The following NKAIN3 variants were observed in gnomAD, a reference collection of about 807,000 sequenced individuals.
NKAIN3 encodes the protein sodium/potassium transporting ATPase interacting 3.
Under a neutral mutation model 30.2 loss-of-function variants are expected in NKAIN3, and 25 were observed. The observed-to-expected ratio is 0.83, with a 90% confidence interval of 0.60 to 1.16. NKAIN3 has a LOEUF of 1.16. NKAIN3 is among the 50% of genes most tolerant of loss of function. The pLI, the probability that NKAIN3 is intolerant of heterozygous loss-of-function variation, is 0.00. For missense variants in NKAIN3, 225 were observed against 254.1 expected (o/e 0.89, Z 0.78); for synonymous variants, 91 against 89.6 (o/e 1.02, Z -0.09).
rs1824116415 is a variant in NKAIN3 at position 62,982,829 on chromosome 8, T to G, written c.*17422T>G. On this transcript the variant is annotated 3_prime_UTR_variant, in exon 7 of 7. Transcript: ENST00000623646. ...CTTTCTCTGTGGGAAGTTGTCATCCTCCACAAGATCTTGCCCACACTCAAA... is the reference window on the plus strand; with the variant it reads ...CTTTCTCTGTGGGAAGTTGTCATCCGCCACAAGATCTTGCCCACACTCAAA... 1 of 152,192 alleles carries G rather than the reference T, an allele frequency of 6.6e-6. No homozygotes were observed. Among genetic ancestry groups the G allele is most frequent in the South Asian group, 2.1e-4 (1 of 4,826 alleles). 9.4% of individuals were successfully genotyped at this position (152,192 alleles called of 1,614,324 possible).
chr8:62,395,277 C>T (rs970912015), intron 1 of NKAIN3, among the ~76,000 whole-genome samples: 5 of 138,644 alleles, frequency 3.6e-5, no homozygotes, highest in African/African-American at 1.4e-4. Flanking sequence ...CCAGACATTG[C>T]GCGGGGCCGG....
intron 1 of NKAIN3, among the ~76,000 whole-genome samples, chr8:62,460,106 C>A (rs1225102821): frequency 6.6e-6 from 1 of 152,078 alleles, no homozygotes; most frequent in Admixed American, 6.6e-5. Context: ...ATTCTCTCCT[C>A]CATCAAAGCA....
intron 1 of NKAIN3, among the ~76,000 whole-genome samples, chr8:62,312,197 A>AT (rs1432686432): frequency 6.6e-6 from 1 of 150,728 alleles, no homozygotes; most frequent in Non-Finnish European, 1.5e-5. Context: ...AATAGATGAT[A>AT]TTGATTAATT....
At chr8:62,774,623 G>C (rs1817128992) in intron 4 of NKAIN3, among the ~76,000 whole-genome samples, 1 of 152,062 alleles carries the variant, frequency 6.6e-6, no homozygotes, top group African/African-American at 2.4e-5. Context: ...AAAGGATGTT[G>C]AATTTTATAG....
intron 4 of NKAIN3, among the ~76,000 whole-genome samples, chr8:62,889,379 T>A (rs28520004): frequency 0.21 from 31,589 of 151,414 alleles, 3,906 homozygotes; most frequent in East Asian, 0.55. Flanking sequence ...TCGAAAAAAA[T>A]AATAATAATA....
At chr8:62,935,916 CTAAAAACAAAAAAATT>C (rs966191710) in intron 5 of NKAIN3, among the ~76,000 whole-genome samples, 1 of 151,980 alleles carries the variant, frequency 6.6e-6, no homozygotes, top group African/African-American at 2.4e-5. Context: ...CTGAAAAAAT[CTAAAAACAAAAAAATT>C]TAAAAACAAA....
chr8:62,821,985 T>G (rs962155310), intron 4 of NKAIN3, among the ~76,000 whole-genome samples: 2 of 152,078 alleles, frequency 1.3e-5, no homozygotes, highest in African/African-American at 4.8e-5. Flanking sequence ...AAAGCCTTTA[T>G]AGAGGGTGAT....
rs374114650 is a variant in NKAIN3 at position 62,411,236 on chromosome 8, C to T, written c.54+162109C>T. On this transcript the variant is annotated intron_variant, in intron 1 of 6. Coordinates refer to ENST00000623646, the MANE Select transcript of NKAIN3 (RefSeq NM_001304533.3). The stretch of plus-strand genomic sequence containing the variant: ...TAGGCTTTATTCCTGGGATGCAAGG[C>T]TGGTTTAACATACAGAAATCAATAA... Among the ~76,000 whole-genome samples, 39 of 152,242 alleles carry T rather than the reference C, an allele frequency of 2.6e-4. No homozygotes were observed. In the South Asian group the frequency reaches 8.1e-3, roughly 32 times the overall value.
chr8:62,831,908 A>G (rs115050027), intron 4 of NKAIN3, among the ~76,000 whole-genome samples: 453 of 152,296 alleles, frequency 3.0e-3, no homozygotes, highest in African/African-American at 0.01. Context: ...GTCAAGGCAT[A>G]TAGTCACCAG....
At chr8:62,849,786 G>C (rs1410696256) in intron 4 of NKAIN3, among the ~76,000 whole-genome samples, 1 of 151,728 alleles carries the variant, frequency 6.6e-6, no homozygotes, top group African/African-American at 2.4e-5. Flanking sequence ...ACATGAACTC[G>C]TCATTTTTTA....
intron 1 of NKAIN3, among the ~76,000 whole-genome samples, chr8:62,344,397 A>G (rs1162762787): frequency 2.6e-5 from 4 of 152,106 alleles, no homozygotes. Flanking sequence ...TCACAACAAT[A>G]TTCATGTTTG....
At chr8:62,363,261 C>G (rs16928762) in intron 1 of NKAIN3, among the ~76,000 whole-genome samples, 5,114 of 152,254 alleles carry the variant, frequency 0.034, 327 homozygotes, top group African/African-American at 0.12. Flanking sequence ...AGACATCTTC[C>G]AGGACTTTTG....
chr8:62,333,857 G>C (rs1474331409), intron 1 of NKAIN3, among the ~76,000 whole-genome samples: 1 of 152,044 alleles, frequency 6.6e-6, no homozygotes, highest in Non-Finnish European at 1.5e-5. Flanking sequence ...TCACCAAACT[G>C]CTGGCAAGTA....
chr8:62,591,431 TAACTC>T (rs996076442), intron 3 of NKAIN3, among the ~76,000 whole-genome samples: 6 of 151,972 alleles, frequency 3.9e-5, no homozygotes, highest in Non-Finnish European at 7.4e-5. Flanking sequence ...TGATATGTGG[TAACTC>T]AGGTAAGCTT....
intron 1 of NKAIN3, among the ~76,000 whole-genome samples, chr8:62,370,729 T>C (rs1321188418): frequency 6.6e-6 from 1 of 151,986 alleles, no homozygotes; most frequent in Non-Finnish European, 1.5e-5. Context: ...ATTATTAAAT[T>C]TTTAAAATTG....
chr8:62,352,740 C>T (rs1816222451), intron 1 of NKAIN3, among the ~76,000 whole-genome samples: 1 of 152,166 alleles, frequency 6.6e-6, no homozygotes, highest in South Asian at 2.1e-4. Context: ...GGACACTGTA[C>T]ATCATGTTAT....
At chr8:62,760,581 A>T (rs1468953243) in intron 4 of NKAIN3, among the ~76,000 whole-genome samples, 8 of 146,560 alleles carry the variant, frequency 5.5e-5, no homozygotes, top group African/African-American at 1.7e-4. Context: ...AACAATGAGA[A>T]CACATGGACA....
chr8:62,638,154 T>G (rs1812191211), intron 3 of NKAIN3, among the ~76,000 whole-genome samples: 1 of 152,158 alleles, frequency 6.6e-6, no homozygotes, highest in Admixed American at 6.5e-5. Context: ...AGAAAGTGAA[T>G]GATTGGCTCA....
intron 3 of NKAIN3, among the ~76,000 whole-genome samples, chr8:62,640,653 T>G (rs1812279567): frequency 6.6e-6 from 1 of 152,110 alleles, no homozygotes; most frequent in South Asian, 2.1e-4. Context: ...AAAGAGGTAT[T>G]CATAGAAATC....
Sources: gnomAD v4.1 joint callset for allele counts (sites outside exome capture counted in the v4.1 genomes callset) on GRCh38, gnomAD v4.1.1 for gene constraint, MANE v1.5 for transcripts, NCBI Gene and HGNC (gene_info 2026-07-23, HGNC 2026-07-21) for gene names.